The following CSMD1 variants were observed in gnomAD, a reference collection of about 807,000 sequenced individuals.
The protein encoded by CSMD1 is CUB and Sushi multiple domains 1.
In CSMD1, 213 loss-of-function variants were observed where a neutral mutation model predicts 417.5. The observed-to-expected ratio is 0.51, with a 90% CI of 0.46 to 0.57. CSMD1 has a LOEUF of 0.57. Ranked by LOEUF, CSMD1 falls within the 20% of genes least tolerant of loss-of-function variation. The pLI is 0.00. For synonymous variants in CSMD1, 2,862 were observed against 1,736.8 expected (o/e 1.65, Z -16.11); for missense variants, 6,923 against 4,529.7 (o/e 1.53, Z -15.17).
intron 2 of CSMD1, among the ~76,000 whole-genome samples, chr8:4,441,431 A>T (rs1798476598): frequency 6.6e-6 from 1 of 151,702 alleles, no homozygotes; most frequent in Non-Finnish European, 1.5e-5. Context: ...CATCTTTAAG[A>T]TTACTTTCTT....
chr8:3,868,236 G>T (rs1030751744), intron 5 of CSMD1, among the ~76,000 whole-genome samples: 18 of 152,068 alleles, frequency 1.2e-4, no homozygotes, highest in African/African-American at 4.3e-4. Flanking sequence ...AGGATGGGGG[G>T]GCATCTCCAT....
intron 5 of CSMD1, among the ~76,000 whole-genome samples, chr8:3,770,937 G>C (rs62479699): frequency 6.6e-6 from 1 of 152,022 alleles, no homozygotes; most frequent in African/African-American, 2.4e-5. Flanking sequence ...GTGAATCTCC[G>C]AATTCAATAG....
chr8:2,984,354 T>G (rs1337586632), intron 54 of CSMD1, among the ~76,000 whole-genome samples: 1 of 152,122 alleles, frequency 6.6e-6, no homozygotes, highest in African/African-American at 2.4e-5. Flanking sequence ...ATTTACTTTT[T>G]CTTTTTTCCC....
intron 41 of CSMD1, among the ~76,000 whole-genome samples, chr8:3,133,855 G>A (rs189108370): frequency 3.2e-4 from 49 of 152,316 alleles, no homozygotes; most frequent in African/African-American, 9.6e-4. Flanking sequence ...CTTAAAGGCC[G>A]GTCGAATTCT....
At chr8:3,790,067 G>A (rs968061341) in intron 5 of CSMD1, among the ~76,000 whole-genome samples, 2 of 152,170 alleles carry the variant, frequency 1.3e-5, no homozygotes, top group African/African-American at 4.8e-5. Flanking sequence ...ATTAGAGAAT[G>A]TCAATGAAGG....
At chr8:3,989,256 G>A (rs539701960) in intron 5 of CSMD1, among the ~76,000 whole-genome samples, 2 of 152,308 alleles carry the variant, frequency 1.3e-5, no homozygotes, top group Admixed American at 6.5e-5. Flanking sequence ...GAGCAAACCT[G>A]CTCTACGTCA....
At chr8:3,880,166 A>C (rs1806115725) in intron 5 of CSMD1, among the ~76,000 whole-genome samples, 1 of 152,178 alleles carries the variant, frequency 6.6e-6, no homozygotes, top group African/African-American at 2.4e-5. Flanking sequence ...GTACAGAGGA[A>C]ATTGGATTCA....
At chr8:3,779,595 A>G (rs1430266424) in intron 5 of CSMD1, among the ~76,000 whole-genome samples, 1 of 152,224 alleles carries the variant, frequency 6.6e-6, no homozygotes, top group Non-Finnish European at 1.5e-5. Context: ...GCTGCTGAAT[A>G]ACCGGGTATT....
intron 2 of CSMD1, among the ~76,000 whole-genome samples, chr8:4,459,509 G>A (rs1329952204): frequency 2.0e-5 from 3 of 152,168 alleles, no homozygotes; most frequent in East Asian, 1.9e-4. Context: ...AAAAATAAAT[G>A]GAAATTGTGA....
chr8:3,994,958 G>C (rs4493929), intron 5 of CSMD1, among the ~76,000 whole-genome samples: 3,860 of 152,110 alleles, frequency 0.025, 171 homozygotes, highest in African/African-American at 0.089. Flanking sequence ...ACAGTCACTC[G>C]CACCACCCTC....
intron 3 of CSMD1, among the ~76,000 whole-genome samples, chr8:4,175,125 G>A (rs577832593): frequency 1.3e-5 from 2 of 152,016 alleles, no homozygotes; most frequent in East Asian, 2.0e-4. Flanking sequence ...TAATATCTGA[G>A]GAATAGTGTA....
chr8:3,060,470 T>A lies in CSMD1; in HGVS notation c.7475-7823A>T, dbSNP rs184143802. On this transcript the variant is annotated intron_variant, in intron 49 of 69. Transcript: ENST00000635120. Reference sequence around the variant, plus strand: ...TCACAAAGTGCTGGGATTATGGGCATGAGCCACTGTCTATTAACAACTTTT... The same window carrying A: ...TCACAAAGTGCTGGGATTATGGGCAAGAGCCACTGTCTATTAACAACTTTT... 3.4e-3 allele frequency among the ~76,000 whole-genome samples: 515 copies of A among 152,330 alleles called. 1 individual carries two copies. The highest frequency in any genetic ancestry group is 0.011 in the African/African-American group (472 of 41,568).
intron 10 of CSMD1, among the ~76,000 whole-genome samples, chr8:3,572,660 G>C (rs923087852): frequency 6.6e-6 from 1 of 152,156 alleles, no homozygotes; most frequent in Non-Finnish European, 1.5e-5. Flanking sequence ...TCAAATTGCA[G>C]AAGTAACATA....
At chr8:3,309,762 T>C (rs1408952978) in intron 23 of CSMD1, among the ~76,000 whole-genome samples, 1 of 152,236 alleles carries the variant, frequency 6.6e-6, no homozygotes, top group East Asian at 1.9e-4. Context: ...CCTGTCAATG[T>C]GAAGTCTGAG....
At chr8:3,189,497 T>G (rs1485632599) in intron 34 of CSMD1, among the ~76,000 whole-genome samples, 1 of 152,164 alleles carries the variant, frequency 6.6e-6, no homozygotes, top group African/African-American at 2.4e-5. Context: ...GCAGGTAAAC[T>G]ATAACTAACA....
chr8:4,933,163 T>TCTTTCTTCCCCTTC (rs1807359290), intron 1 of CSMD1, among the ~76,000 whole-genome samples: 1 of 152,182 alleles, frequency 6.6e-6, no homozygotes, highest in Non-Finnish European at 1.5e-5. Context: ...TACTTTTTTT[T>TCTTTCTTCCCCTTC]CTTTCTTCCC....
At chr8:4,105,622 G>C (rs932936336) in intron 3 of CSMD1, among the ~76,000 whole-genome samples, 1 of 152,196 alleles carries the variant, frequency 6.6e-6, no homozygotes, top group Non-Finnish European at 1.5e-5. Flanking sequence ...AACAGGGAAA[G>C]CAAAGGGGAT....
chr8:3,927,753 G>A (rs765302702), intron 5 of CSMD1, among the ~76,000 whole-genome samples: 101 of 152,202 alleles, frequency 6.6e-4, no homozygotes, highest in Non-Finnish European at 2.4e-4. Flanking sequence ...TAATTTGATT[G>A]CGTATAAGCA....
chr8:4,473,333 G>C (rs1374612418), intron 2 of CSMD1, among the ~76,000 whole-genome samples: 1 of 152,204 alleles, frequency 6.6e-6, no homozygotes, highest in Non-Finnish European at 1.5e-5. Flanking sequence ...AAAATCAGCA[G>C]AGACAACCTG....
Sources: allele counts gnomAD v4.1 joint callset (sites outside exome capture counted in the v4.1 genomes callset), GRCh38; gene constraint gnomAD v4.1.1; transcripts MANE v1.5; gene names NCBI Gene and HGNC (gene_info 2026-07-23, HGNC 2026-07-21).